The following GABRG1 variants were observed in gnomAD, a reference collection of about 807,000 sequenced individuals.
GABRG1 encodes gamma-aminobutyric acid receptor subunit gamma-1.
GABRG1 carries 49 observed loss-of-function variants against 49.8 expected under a neutral mutation model. The observed-to-expected ratio is 0.98, with a 90% CI of 0.78 to 1.25. The LOEUF is 1.25. GABRG1 is among the 50% of genes most tolerant of loss of function. GABRG1 has a pLI of 0.00. For missense variants in GABRG1, 552 were observed against 552.3 expected, an observed-to-expected ratio of 1.00 and a Z score of 0.01; for synonymous variants, 232 against 185.1, an observed-to-expected ratio of 1.25 and a Z score of -2.06.
At chr4:46,052,928 T>C (rs1234970016) in intron 7 of GABRG1, among the ~76,000 whole-genome samples, 1 of 151,816 alleles carries the variant, frequency 6.6e-6, no homozygotes, top group East Asian at 1.9e-4. Flanking sequence ...TTTCTTAGGA[T>C]TGGAGAAAAT....
chr4:46,107,981 T>C lies in GABRG1; in HGVS notation c.105-10632A>G, dbSNP rs1213776351. Reference sequence around the variant, plus strand: ...AGACAAAAATCTATGCTAGAGGACATATGACAAAAAAGGGAAGGTAAATCA... The same window carrying C: ...AGACAAAAATCTATGCTAGAGGACACATGACAAAAAAGGGAAGGTAAATCA... On this transcript the variant is annotated intron_variant, in intron 1 of 8. Coordinates refer to ENST00000295452, the MANE Select transcript of GABRG1 (RefSeq NM_173536.4). Among the ~76,000 whole-genome samples, 5 of 151,200 alleles carry C rather than the reference T, an allele frequency of 3.3e-5. No individual in the cohort carries two copies. The East Asian group carries it at 5.9e-4, about 18-fold the overall frequency.
intron 1 of GABRG1, among the ~76,000 whole-genome samples, chr4:46,119,887 C>A (rs1721045301): frequency 6.6e-6 from 1 of 151,704 alleles, no homozygotes; most frequent in Admixed American, 6.6e-5. Context: ...ATATTTCACT[C>A]TACTGCACTT....
chr4:46,106,886 C>A (rs566494582), intron 1 of GABRG1, among the ~76,000 whole-genome samples: 21 of 150,988 alleles, frequency 1.4e-4, no homozygotes, highest in African/African-American at 4.6e-4. Context: ...CTTTCCAGCT[C>A]CAAACGCAAC....
intron 2 of GABRG1, among the ~76,000 whole-genome samples, chr4:46,088,066 C>G (rs1207327759): frequency 6.6e-6 from 1 of 151,964 alleles, no homozygotes; most frequent in African/African-American, 2.4e-5. Flanking sequence ...CAAAAATGGT[C>G]AATACAGAAC....
rs779178194 is a variant in GABRG1 at position 46,123,920 on chromosome 4, C to G, written c.-7G>C. On this transcript the variant is annotated 5_prime_UTR_variant, in exon 1 of 9. Coordinates refer to ENST00000295452, the MANE Select transcript of GABRG1 (RefSeq NM_173536.4). ...AAGCTTTCAAAGGACCCATCGGAAT[C>G]GCTTTTTTACGTGTGCTGCACTAGC... 1.2e-6 allele frequency: 2 copies of G among 1,606,220 alleles called. No homozygotes were observed. Among genetic ancestry groups the G allele is most frequent in the Non-Finnish European group, 1.7e-6 (2 of 1,173,224 alleles).
Position 46,065,422 on chromosome 4 carries a change from T to C in GABRG1, c.484A>G (p.Thr162Ala), listed in dbSNP as rs1192140800. Residue 162 changes from threonine (T) to alanine (A), a missense_variant, in exon 4 of 9, where the codon ACA becomes GCA. Coordinates refer to ENST00000295452, the MANE Select transcript of GABRG1 (RefSeq NM_173536.4). Reference sequence around the variant, plus strand: ...ATTCGAAGCAGACGATTAGGAGTTGTTATCCAGTGAGCATCAGATTTTCTT... The same window carrying C: ...ATTCGAAGCAGACGATTAGGAGTTGCTATCCAGTGAGCATCAGATTTTCTT... ...NSRKSDAHWI[T>A]TPNRLLRIWN... 2 of 1,613,736 alleles carry C rather than the reference T, an allele frequency of 1.2e-6. No homozygotes were observed. Among genetic ancestry groups the C allele is most frequent in the Non-Finnish European group, 1.7e-6 (2 of 1,179,850 alleles).
intron 3 of GABRG1, among the ~76,000 whole-genome samples, chr4:46,066,209 T>G (rs1718914736): frequency 6.6e-6 from 1 of 152,124 alleles, no homozygotes; most frequent in East Asian, 1.9e-4. Flanking sequence ...TTATATTAAT[T>G]TATACATACA....
At chr4:46,089,450 T>C (rs569605640) in intron 2 of GABRG1, among the ~76,000 whole-genome samples, 52 of 151,988 alleles carry the variant, frequency 3.4e-4, no homozygotes, top group Non-Finnish European at 5.0e-4. Flanking sequence ...GCTAGAAACA[T>C]AGAAGAGATA....
chr4:46,121,395 A>G (rs1472097220), intron 1 of GABRG1, among the ~76,000 whole-genome samples: 1 of 151,964 alleles, frequency 6.6e-6, no homozygotes, highest in Non-Finnish European at 1.5e-5. Context: ...AAGTTCACCC[A>G]ACTGTAGCTA....
chr4:46,088,497 CA>C (rs1449098976), intron 2 of GABRG1, among the ~76,000 whole-genome samples: 1 of 151,756 alleles, frequency 6.6e-6, no homozygotes, highest in Non-Finnish European at 1.5e-5. Context: ...GCCATATCAC[CA>C]ATCACAATGT....
At chr4:46,052,511 G>T (rs1331901884) in intron 7 of GABRG1, among the ~76,000 whole-genome samples, 1 of 151,840 alleles carries the variant, frequency 6.6e-6, no homozygotes, top group East Asian at 1.9e-4. Context: ...TACCTGGGAT[G>T]TCCCCAAGGG....
chr4:46,091,700 A>G (rs1719995922), intron 2 of GABRG1, among the ~76,000 whole-genome samples: 1 of 152,046 alleles, frequency 6.6e-6, no homozygotes, highest in Admixed American at 6.6e-5. Flanking sequence ...ATGTAATGAC[A>G]TAGCAGAGGT....
At position 46,065,377 on chromosome 4, in the gene GABRG1, G is replaced by T; in HGVS notation, c.529C>A (p.Leu177Met). ...LLRIWNDGRV[L>M]YTLRLTINAE... ...AACCAATATTACCTTAGAGTATACA[G>T]AACTCGTCCATCATTCCAAATTCGA... The change falls in exon 4 of 9, where the codon CTG (leucine) becomes ATG (methionine). Residue 177 changes from leucine to methionine, a missense_variant. By Grantham distance (15) the Leu-to-Met change is conservative. Coordinates refer to ENST00000295452, the MANE Select transcript of GABRG1 (RefSeq NM_173536.4). 1 of 1,597,016 alleles carries T rather than the reference G, an allele frequency of 6.3e-7. No homozygotes were observed. The highest frequency in any genetic ancestry group is 1.7e-5 in the Admixed American group (1 of 59,976).
Position 46,088,192 on chromosome 4 carries a change from G to A in GABRG1, c.254-4139C>T, listed in dbSNP as rs563222440. On this transcript the variant is annotated intron_variant, in intron 2 of 8. Transcript: ENST00000295452. ...AATTTCTGGGCAGCTGTTTGTGTTC[G>A]TCACAAAAATTGGGATTGTTAGTAG... Among the ~76,000 whole-genome samples the A allele has an allele frequency of 9.9e-5, 15 of 152,020 alleles. No individual in the cohort carries two copies. The East Asian group carries it at 1.8e-3, about 18-fold the overall frequency.
chr4:46,088,275 T>A (rs1486930762), intron 2 of GABRG1, among the ~76,000 whole-genome samples: 1 of 151,984 alleles, frequency 6.6e-6, no homozygotes, highest in Non-Finnish European at 1.5e-5. Context: ...TAATGAAAAA[T>A]TGTCCCACAT....
intron 3 of GABRG1, among the ~76,000 whole-genome samples, chr4:46,077,835 A>C (rs1401178933): frequency 6.6e-6 from 1 of 151,742 alleles, no homozygotes; most frequent in Non-Finnish European, 1.5e-5. Context: ...TGTGTATTTG[A>C]ATTAAGAAAT....
intron 1 of GABRG1, among the ~76,000 whole-genome samples, chr4:46,118,246 C>CTATT (rs1720992268): frequency 1.0e-5 from 1 of 95,746 alleles, no homozygotes; most frequent in South Asian, 2.5e-4. Flanking sequence ...ACATATAGAT[C>CTATT]TATCTATCTA....
intron 2 of GABRG1, among the ~76,000 whole-genome samples, chr4:46,088,815 TTG>T (rs3069486): frequency 2.3e-3 from 300 of 131,512 alleles, no homozygotes; most frequent in Middle Eastern, 0.013. Context: ...TTGTGTGTGT[TTG>T]TGTGTGTGTG....
intron 3 of GABRG1, among the ~76,000 whole-genome samples, chr4:46,070,853 G>A (rs1719090979): frequency 6.6e-6 from 1 of 151,972 alleles, no homozygotes; most frequent in Non-Finnish European, 1.5e-5. Flanking sequence ...ACTGGTTGAG[G>A]CCCAACTACA....
Sources: gnomAD v4.1 joint callset for allele counts (sites outside exome capture counted in the v4.1 genomes callset) on GRCh38, gnomAD v4.1.1 for gene constraint, MANE v1.5 for transcripts, NCBI Gene and HGNC (gene_info 2026-07-23, HGNC 2026-07-21) for gene names.